The following TRPC5 variants were observed in gnomAD, a reference collection of about 807,000 sequenced individuals.
TRPC5 encodes transient receptor potential cation channel subfamily C member 5.
A neutral mutation model predicts 56.5 loss-of-function variants in TRPC5; 9 were observed. That is an observed-to-expected ratio of 0.16 (90% confidence interval 0.10 to 0.28). TRPC5 has a LOEUF of 0.28. Among genes scored for constraint, TRPC5 ranks in the 10% least tolerant of loss-of-function variants. TRPC5 has a pLI of 1.00. For missense variants in TRPC5, 469 were observed against 748.9 expected (o/e 0.63, Z 4.36); for synonymous variants, 282 against 278.5 (o/e 1.01, Z -0.13).
chrX:111,937,238 A>G (rs1926613195), intron 2 of TRPC5, among the ~76,000 whole-genome samples: 1 of 105,315 alleles, frequency 9.5e-6, no homozygotes, highest in Non-Finnish European at 1.9e-5. Flanking sequence ...TAGATTCTGG[A>G]TATGAGCCCT....
At chrX:112,007,294 T>C (rs1928869153) in intron 1 of TRPC5, among the ~76,000 whole-genome samples, 1 of 112,076 alleles carries the variant, frequency 8.9e-6, no homozygotes, top group Non-Finnish European at 1.9e-5. Context: ...TCCATCTGCA[T>C]ACTTGGTGTT....
chrX:112,020,937 G>A (rs1929256327), intron 1 of TRPC5, among the ~76,000 whole-genome samples: 1 of 107,442 alleles, frequency 9.3e-6, no homozygotes, highest in Admixed American at 1.0e-4. Context: ...ACTCTTCTGG[G>A]GATATTTATC....
chrX:111,939,853 A>G (rs1173069769), intron 2 of TRPC5, among the ~76,000 whole-genome samples: 1 of 110,932 alleles, frequency 9.0e-6, no homozygotes, highest in Non-Finnish European at 1.9e-5. Flanking sequence ...TTTTCATTTC[A>G]TTGACCTTTT....
In TRPC5 at chrX:112,013,654, CCTT is replaced by C. The variant is rs779235804; in HGVS notation, c.-21-61216_-21-61214del. The stretch of plus-strand genomic sequence containing the variant: ...CTGCTTCCTTCATTGTATCCTGTCT[CCTT>C]CAGCACTATCATCCTTACAGGTATT... On this transcript the variant is annotated intron_variant, in intron 1 of 10. Transcript: ENST00000262839. 6.3e-3 allele frequency among the ~76,000 whole-genome samples: 706 copies of C among 111,905 alleles called. 5 individuals carry two copies. Among genetic ancestry groups the C allele is most frequent in the African/African-American group, 0.021 (659 of 30,790 alleles).
intron 3 of TRPC5, among the ~76,000 whole-genome samples, chrX:111,909,782 G>A (rs1266550881): frequency 4.5e-5 from 5 of 111,269 alleles, no homozygotes; most frequent in Non-Finnish European, 9.4e-5. Context: ...AAGAACACAA[G>A]GGACAAAATT....
chrX:111,805,046 G>A (rs1452260610), intron 7 of TRPC5, among the ~76,000 whole-genome samples: 1 of 112,046 alleles, frequency 8.9e-6, no homozygotes, highest in Non-Finnish European at 1.9e-5. Flanking sequence ...TTTATTGAGA[G>A]TTTTTAGCAT....
At chrX:112,027,279 A>G (rs925365339) in intron 1 of TRPC5, among the ~76,000 whole-genome samples, 3 of 111,590 alleles carry the variant, frequency 2.7e-5, no homozygotes, top group African/African-American at 6.5e-5. Context: ...GTGTGTGTGT[A>G]TGTTGTGTGT....
At chrX:112,007,376 T>C (rs371801036) in intron 1 of TRPC5, among the ~76,000 whole-genome samples, 7 of 112,342 alleles carry the variant, frequency 6.2e-5, no homozygotes, top group East Asian at 5.6e-4. Flanking sequence ...TGCTTTGCCA[T>C]GAAACTATGT....
At chrX:111,826,062 A>C (rs1211412923) in intron 7 of TRPC5, among the ~76,000 whole-genome samples, 1 of 112,241 alleles carries the variant, frequency 8.9e-6, no homozygotes, top group African/African-American at 3.2e-5. Context: ...CCTATTTTAC[A>C]GAGAAGTCAA....
rs1243428678 is a variant in TRPC5, at chrX:111,770,691, TC to T, written c.*5621del. ...CCAATCCCAGCAAAAATCCAAAGCC[TC>T]CTTTCTTCCTTCCAAGGGTCAGCTT... On this transcript the variant is annotated 3_prime_UTR_variant, in exon 11 of 11. Coordinates refer to ENST00000262839, the MANE Select transcript of TRPC5 (RefSeq NM_012471.3). 1.8e-5 allele frequency among the ~76,000 whole-genome samples: 2 copies of T among 111,245 alleles called. No homozygotes were observed. The highest frequency in any genetic ancestry group is 3.8e-5 in the Non-Finnish European group (2 of 53,037).
intron 1 of TRPC5, among the ~76,000 whole-genome samples, chrX:112,031,639 TATC>T (rs1260273772): frequency 9.1e-5 from 10 of 110,053 alleles, no homozygotes; most frequent in Admixed American, 2.9e-4. Context: ...TAGATAATAT[TATC>T]ATAGATATAG....
chrX:111,855,639 C>T (rs999585270), intron 3 of TRPC5, among the ~76,000 whole-genome samples: 3 of 112,254 alleles, frequency 2.7e-5, no homozygotes, highest in African/African-American at 6.5e-5. Flanking sequence ...ATGTCATTTC[C>T]TCCAAACATG....
intron 2 of TRPC5, among the ~76,000 whole-genome samples, chrX:111,951,050 T>C (rs762828639): frequency 1.2e-4 from 13 of 111,808 alleles, no homozygotes; most frequent in Non-Finnish European, 2.3e-4. Context: ...TAATGCCTTA[T>C]TCTTGGGATA....
chrX:111,985,655 G>A (rs1304894218), intron 1 of TRPC5, among the ~76,000 whole-genome samples: 1 of 111,895 alleles, frequency 8.9e-6, no homozygotes, highest in Non-Finnish European at 1.9e-5. Context: ...CTGTTTTTAT[G>A]ATTCAGGTTA....
chrX:112,054,320 G>A (rs1930288385), intron 1 of TRPC5, among the ~76,000 whole-genome samples: 1 of 110,816 alleles, frequency 9.0e-6, no homozygotes, highest in African/African-American at 3.3e-5. Flanking sequence ...ATATGTTAAA[G>A]AATACTAAAA....
At chrX:112,041,244 C>T (rs1334408750) in intron 1 of TRPC5, among the ~76,000 whole-genome samples, 1 of 111,968 alleles carries the variant, frequency 8.9e-6, no homozygotes, top group Non-Finnish European at 1.9e-5. Flanking sequence ...GCATCTGCTA[C>T]ATTTGGCACA....
chrX:111,985,547 AGT>A (rs924891155), intron 1 of TRPC5, among the ~76,000 whole-genome samples: 1 of 112,131 alleles, frequency 8.9e-6, no homozygotes. Flanking sequence ...AAATTTTTTC[AGT>A]GTATCAGGGT....
chrX:112,067,093 G>A (rs1421413151), intron 1 of TRPC5, among the ~76,000 whole-genome samples: 1 of 112,466 alleles, frequency 8.9e-6, no homozygotes, highest in Non-Finnish European at 1.9e-5. Flanking sequence ...TGATAAGTGG[G>A]CCTTAGGTAT....
At chrX:111,995,426 C>CT (rs1476904843) in intron 1 of TRPC5, among the ~76,000 whole-genome samples, 2 of 111,576 alleles carry the variant, frequency 1.8e-5, no homozygotes, top group East Asian at 2.8e-4. Flanking sequence ...CTAAAATTCT[C>CT]TTTTTTTGTG....
Sources: gnomAD v4.1 joint callset for allele counts (sites outside exome capture counted in the v4.1 genomes callset) on GRCh38, gnomAD v4.1.1 for gene constraint, MANE v1.5 for transcripts, NCBI Gene and HGNC (gene_info 2026-07-23, HGNC 2026-07-21) for gene names.